STXBP5: variants seen among roughly 807,000 people sequenced by gnomAD.
STXBP5 encodes the protein syntaxin binding protein 5, also known as syntaxin-binding protein 5.
Under a neutral mutation model 152.4 loss-of-function variants are expected in STXBP5, and 50 were observed. The observed-to-expected ratio is 0.33, with a 90% CI of 0.26 to 0.42. The LOEUF is 0.42. Ranked by LOEUF, STXBP5 falls within the 10% of genes least tolerant of loss-of-function variation. The probability of loss-of-function intolerance (pLI) is 1.00; values close to 1 mark genes in which losing one functional copy is unlikely to be tolerated. For missense variants in STXBP5, 1,167 were observed against 1,388.6 expected (o/e 0.84, Z 2.54); for synonymous variants, 492 against 494.7 (o/e 0.99, Z 0.07).
chr6:147,212,327 G>C (rs1390308312), intron 2 of STXBP5, among the ~76,000 whole-genome samples: 12 of 152,070 alleles, frequency 7.9e-5, no homozygotes, highest in African/African-American at 2.9e-4. Context: ...GATATTCTTT[G>C]TTTTCTGTTT....
At chr6:147,344,866 T>A (rs1391068009) in intron 21 of STXBP5, among the ~76,000 whole-genome samples, 2 of 152,122 alleles carry the variant, frequency 1.3e-5, no homozygotes, top group Non-Finnish European at 2.9e-5. Flanking sequence ...TTGCAAAGAG[T>A]TTAATTATGA....
rs1344628002 is a variant in STXBP5, at chr6:147,278,195, A to T, written c.829A>T (p.Thr277Ser). ...RSPAKPVQTI[T>S]PHGKQLKDGK... ...CCCTGCTAAACCAGTACAGACAATC[A>T]CTCCACATGGTAAGAATGCATCAAT... Residue 277 changes from threonine (T) to serine (S), a missense_variant, in exon 8 of 28, where the codon ACT becomes TCT. Coordinates refer to ENST00000321680, the MANE Select transcript of STXBP5 (RefSeq NM_001127715.4). 1.2e-6 allele frequency: 2 copies of T among 1,607,356 alleles called. No homozygotes were observed. Among genetic ancestry groups the T allele is most frequent in the Non-Finnish European group, 1.7e-6 (2 of 1,176,288 alleles).
Position 147,313,149 on chromosome 6 carries a change from C to A in STXBP5, c.1146-735C>A, listed in dbSNP as rs571036861. Among the ~76,000 whole-genome samples the A allele has an allele frequency of 3.9e-5, 6 of 152,130 alleles. No individual in the cohort carries two copies. In the East Asian group the frequency reaches 1.2e-3, roughly 29 times the overall value. The stretch of plus-strand genomic sequence containing the variant: ...TCTATAAGGGACTATTTGGAAATTT[C>A]TCTCTTCTGTTTTAAAAAATTGTCA... On this transcript the variant is annotated intron_variant, in intron 11 of 27. Transcript: ENST00000321680.
chr6:147,333,649 A>C (rs1783691316), intron 18 of STXBP5, among the ~76,000 whole-genome samples: 1 of 152,244 alleles, frequency 6.6e-6, no homozygotes, highest in Admixed American at 6.5e-5. Flanking sequence ...TGTTCTTAGG[A>C]AATGTTACTT....
chr6:147,356,275 A>G lies in STXBP5; in HGVS notation c.2306-2809A>G, dbSNP rs567081974. ...AGAGTTTTTCTACAGGTTAATTTAC[A>G]ATGAAATCTATATTATCTACTTTTT... On this transcript the variant is annotated intron_variant, in intron 22 of 27. Coordinates refer to ENST00000321680, the MANE Select transcript of STXBP5 (RefSeq NM_001127715.4). 2.8e-4 allele frequency among the ~76,000 whole-genome samples: 42 copies of G among 152,116 alleles called. No homozygotes were observed. The South Asian group carries it at 3.5e-3, about 13-fold the overall frequency.
intron 9 of STXBP5, among the ~76,000 whole-genome samples, chr6:147,299,896 C>T (rs564353332): frequency 4.6e-5 from 7 of 152,032 alleles, no homozygotes; most frequent in African/African-American, 1.2e-4. Flanking sequence ...AACAGAATGA[C>T]GTTTTATTTA....
chr6:147,300,155 TGAA>T (rs1781735489), intron 9 of STXBP5, among the ~76,000 whole-genome samples: 1 of 151,956 alleles, frequency 6.6e-6, no homozygotes, highest in African/African-American at 2.4e-5. Flanking sequence ...GGAAAGAAAT[TGAA>T]GAGCACAAAT....
chr6:147,321,437 A>T (rs141880160), intron 16 of STXBP5, among the ~76,000 whole-genome samples: 133 of 152,204 alleles, frequency 8.7e-4, no homozygotes, highest in African/African-American at 3.0e-3. Flanking sequence ...AAAGTTTTTT[A>T]AAAAATTAGC....
intron 26 of STXBP5, 54 bp from the exon 27 acceptor site, chr6:147,382,724 A>G (rs1342415521): frequency 1.2e-5 from 18 of 1,556,894 alleles, no homozygotes; most frequent in Admixed American, 9.0e-5. Context: ...AGGATTTTAT[A>G]TTAGTAAAAT....
intron 9 of STXBP5, among the ~76,000 whole-genome samples, chr6:147,293,673 A>G (rs941299310): frequency 6.6e-6 from 1 of 152,206 alleles, no homozygotes; most frequent in African/African-American, 2.4e-5. Flanking sequence ...TGGATTCCCT[A>G]CCATCTTTTG....
intron 10 of STXBP5, 123 bp downstream of exon 10, chr6:147,310,361 G>T (rs1782304393): frequency 1.4e-6 from 1 of 698,338 alleles, no homozygotes; most frequent in African/African-American, 1.9e-5. Context: ...GAGAAGAGCT[G>T]CTGCATTCAT....
At chr6:147,272,664 A>T (rs989413692) in intron 7 of STXBP5, among the ~76,000 whole-genome samples, 1 of 152,158 alleles carries the variant, frequency 6.6e-6, no homozygotes, top group Non-Finnish European at 1.5e-5. Context: ...ATTCAGTGGT[A>T]TATTACTGTA....
At chr6:147,210,683 C>A (rs1364250492) in intron 2 of STXBP5, among the ~76,000 whole-genome samples, 1 of 152,144 alleles carries the variant, frequency 6.6e-6, no homozygotes, top group East Asian at 1.9e-4. Flanking sequence ...GCATTTAGCC[C>A]AAGTTCTTCA....
chr6:147,211,089 G>A (rs935414650), intron 2 of STXBP5, among the ~76,000 whole-genome samples: 7 of 152,014 alleles, frequency 4.6e-5, no homozygotes, highest in Non-Finnish European at 8.8e-5. Flanking sequence ...AAGGCAGGCG[G>A]TCATGAGGTC....
chr6:147,255,531 T>G (rs1460138474), intron 4 of STXBP5, among the ~76,000 whole-genome samples: 12 of 142,170 alleles, frequency 8.4e-5, no homozygotes, highest in African/African-American at 1.5e-4. Context: ...TGTTGTTGTT[T>G]TTTGTTTAAG....
rs1554297942 is a variant in STXBP5, at chr6:147,320,579, G to GTGTGTTTGTT, written c.1802+4177_1802+4178insTTGTTTGTGT. ...TGTGTGTGTGTGTGTGTGTGTGTGT[G>GTGTGTTTGTT]TGTGTGTGTGTGTGTACACATGCTT... On this transcript the variant is annotated intron_variant, in intron 16 of 27. Coordinates refer to ENST00000321680, the MANE Select transcript of STXBP5 (RefSeq NM_001127715.4). Among the ~76,000 whole-genome samples the GTGTGTTTGTT allele has an allele frequency of 3.2e-3, 474 of 149,074 alleles. 5 individuals carry two copies. The highest frequency in any genetic ancestry group is 0.01 in the African/African-American group (423 of 40,358).
At chr6:147,319,793 C>T (rs1218595984) in intron 16 of STXBP5, among the ~76,000 whole-genome samples, 1 of 149,692 alleles carries the variant, frequency 6.7e-6, no homozygotes, top group African/African-American at 2.5e-5. Flanking sequence ...TACGAAGGAG[C>T]CCAGTAATTA....
chr6:147,383,647 C>T (rs1315237382), intron 27 of STXBP5, among the ~76,000 whole-genome samples: 1 of 152,076 alleles, frequency 6.6e-6, no homozygotes, highest in Admixed American at 6.6e-5. Context: ...TTCCTTGGTG[C>T]TTTACACTAG....
chr6:147,233,326 T>C (rs762120076), intron 2 of STXBP5, among the ~76,000 whole-genome samples: 1 of 151,754 alleles, frequency 6.6e-6, no homozygotes, highest in African/African-American at 2.4e-5. Flanking sequence ...TTTAAGAAGT[T>C]AAACTGGAAA....
Sources: gnomAD v4.1 joint callset for allele counts (sites outside exome capture counted in the v4.1 genomes callset) on GRCh38, gnomAD v4.1.1 for gene constraint, MANE v1.5 for transcripts, NCBI Gene and HGNC (gene_info 2026-07-23, HGNC 2026-07-21) for gene names.